Variants in OPCML observed in about 807,000 individuals in gnomAD.
The protein encoded by OPCML is opioid-binding protein/cell adhesion molecule.
OPCML carries 13 observed loss-of-function variants against 37.8 expected under a neutral mutation model. That is an observed-to-expected ratio of 0.34 (90% CI 0.22 to 0.55). The LOEUF is 0.55. OPCML is among the 20% of genes least tolerant of loss of function. The pLI, the probability that OPCML is intolerant of heterozygous loss-of-function variation, is 0.91. For missense variants in OPCML, 341 were observed against 435.6 expected, an observed-to-expected ratio of 0.78 and a Z score of 1.93; for synonymous variants, 176 against 168.8, an observed-to-expected ratio of 1.04 and a Z score of -0.33.
Position 132,889,304 on chromosome 11 carries a change from T to C in OPCML, c.146+53622A>G, listed in dbSNP as rs190850197. Among the ~76,000 whole-genome samples the C allele has an allele frequency of 3.3e-5, 5 of 152,352 alleles. No homozygotes were observed. In the East Asian group the frequency reaches 9.7e-4, roughly 29 times the overall value. ...CCTCCTACCAAGCACGGGCAAGTGC[T>C]ACAAAGTTGCTTTCTGTTCAAATGT... is the stretch of plus-strand genomic sequence containing the variant. On this transcript the variant is annotated intron_variant, in intron 2 of 7. Transcript: ENST00000524381.
In OPCML at chr11:132,874,999, G is replaced by A. The variant is rs561232582; in HGVS notation, c.146+67927C>T. On this transcript the variant is annotated intron_variant, in intron 2 of 7. Coordinates refer to ENST00000524381, the MANE Select transcript of OPCML (RefSeq NM_001012393.5). ...AGTAAATATTTAAAACATAGTCTCA[G>A]ATCCTAACGAAGTTTTAAGATTTTC... is the stretch of plus-strand genomic sequence containing the variant. Among the ~76,000 whole-genome samples, 88 of 152,282 alleles carry A rather than the reference G, an allele frequency of 5.8e-4. No individual in the cohort carries two copies. In the East Asian group the frequency reaches 0.014, roughly 24 times the overall value.
intron 1 of OPCML, among the ~76,000 whole-genome samples, chr11:133,377,883 G>C (rs946027297): frequency 1.3e-5 from 2 of 152,204 alleles, no homozygotes; most frequent in Non-Finnish European, 2.9e-5. Context: ...CCTGTGCTGT[G>C]TCAGGGACCT....
intron 1 of OPCML, among the ~76,000 whole-genome samples, chr11:133,035,182 C>T (rs563855606): frequency 6.6e-4 from 100 of 152,308 alleles, no homozygotes; most frequent in African/African-American, 2.4e-3. Context: ...TGCAGCCAGC[C>T]CGACAGGGGA....
At chr11:133,289,100 C>A (rs1348076501) in intron 1 of OPCML, among the ~76,000 whole-genome samples, 3 of 152,050 alleles carry the variant, frequency 2.0e-5, no homozygotes, top group African/African-American at 7.2e-5. Context: ...CAGAATTATC[C>A]GAGGATTAGA....
At chr11:132,662,413 A>AT (rs1491322743) in intron 2 of OPCML, among the ~76,000 whole-genome samples, 1 of 29,846 alleles carries the variant, frequency 3.4e-5, no homozygotes, top group Non-Finnish European at 6.2e-5. Context: ...TTGAAAATGC[A>AT]AAAAAAAAAA....
At chr11:133,127,079 T>C (rs765899947) in intron 1 of OPCML, among the ~76,000 whole-genome samples, 6 of 152,148 alleles carry the variant, frequency 3.9e-5, no homozygotes, top group Non-Finnish European at 8.8e-5. Context: ...TCTGTAAACC[T>C]AGGAAAGGTA....
At chr11:133,118,117 C>G in intron 1 of OPCML, 1 of 682,354 alleles carries the variant, frequency 1.5e-6, no homozygotes, top group Non-Finnish European at 1.8e-6. Flanking sequence ...CAAACTGTGA[C>G]TCAGGTGAAA....
chr11:132,833,214 A>G (rs1012015686), intron 2 of OPCML, among the ~76,000 whole-genome samples: 39 of 152,198 alleles, frequency 2.6e-4, no homozygotes, highest in African/African-American at 8.2e-4. Context: ...TCACAGCTGT[A>G]CATATATTTC....
chr11:132,893,645 A>C (rs189716781), intron 2 of OPCML, among the ~76,000 whole-genome samples: 1 of 152,374 alleles, frequency 6.6e-6, no homozygotes, highest in African/African-American at 2.4e-5. Context: ...CCTCTTATGA[A>C]GGCTAAAGGT....
chr11:133,046,076 C>T (rs2136955916), intron 1 of OPCML, among the ~76,000 whole-genome samples: 1 of 152,314 alleles, frequency 6.6e-6, no homozygotes, highest in South Asian at 2.1e-4. Flanking sequence ...CTGCCTTTGC[C>T]TCGCTCTGGA....
At chr11:132,691,292 C>T (rs1191761156) in intron 2 of OPCML, among the ~76,000 whole-genome samples, 1 of 152,208 alleles carries the variant, frequency 6.6e-6, no homozygotes, top group East Asian at 1.9e-4. Flanking sequence ...CCTGACCTCC[C>T]ATTGCATGGC....
chr11:132,956,011 A>C (rs894151454), intron 1 of OPCML, among the ~76,000 whole-genome samples: 1 of 152,244 alleles, frequency 6.6e-6, no homozygotes, highest in Non-Finnish European at 1.5e-5. Flanking sequence ...ATTAATAATA[A>C]AAATAATTAT....
chr11:132,716,380 ATCTGTCTATTTATCTATCTATCTATCTG>A lies in OPCML; in HGVS notation c.147-59089_147-59062del, dbSNP rs1487325797. Among the ~76,000 whole-genome samples, 38 of 149,740 alleles carry A rather than the reference ATCTGTCTATTTATCTATCTATCTATCTG, an allele frequency of 2.5e-4. No individual in the cohort carries two copies. In the South Asian group the frequency reaches 6.6e-3, roughly 26 times the overall value. ...CTATCTATCTGTTGTCTGTCTGTCT[ATCTGTCTATTTATCTATCTATCTATCTG>A]TCTGTCTATCTATCTATCTATCTAT... On this transcript the variant is annotated intron_variant, in intron 2 of 7. Transcript: ENST00000524381.
chr11:132,711,761 G>A (rs538711058), intron 2 of OPCML, among the ~76,000 whole-genome samples: 1 of 152,280 alleles, frequency 6.6e-6, no homozygotes, highest in Admixed American at 6.5e-5. Context: ...CATATATGGT[G>A]CATATGTATA....
chr11:133,063,568 G>T (rs1243963144), intron 1 of OPCML, among the ~76,000 whole-genome samples: 10 of 149,272 alleles, frequency 6.7e-5, no homozygotes, highest in South Asian at 4.2e-4. Context: ...AGAGCTGTTG[G>T]TTTTTTTTTT....
chr11:132,945,249 C>T (rs1310384204), intron 1 of OPCML, among the ~76,000 whole-genome samples: 1 of 152,214 alleles, frequency 6.6e-6, no homozygotes, highest in Middle Eastern at 3.2e-3. Context: ...CTAGTGTGTA[C>T]TTCCATAAAC....
intron 2 of OPCML, among the ~76,000 whole-genome samples, chr11:132,931,663 T>C (rs964736119): frequency 1.3e-5 from 2 of 152,108 alleles, no homozygotes; most frequent in African/African-American, 4.8e-5. Context: ...AGAAAATAAG[T>C]GTTGGCAAGA....
intron 1 of OPCML, chr11:133,064,660 G>C (rs892168657): frequency 6.6e-6 from 1 of 152,286 alleles, no homozygotes; most frequent in Non-Finnish European, 1.5e-5. Flanking sequence ...CTTCCGGGCC[G>C]GGCCGGAGGG....
At chr11:132,657,028 A>G in intron 3 of OPCML, 59 bp downstream of exon 3, 1 of 1,584,412 alleles carries the variant, frequency 6.3e-7, no homozygotes, top group Non-Finnish European at 8.6e-7. Flanking sequence ...AAACACCAAC[A>G]CTGTTCTTCC....
Sources: allele counts gnomAD v4.1 joint callset (sites outside exome capture counted in the v4.1 genomes callset), GRCh38; gene constraint gnomAD v4.1.1; transcripts MANE v1.5; gene names NCBI Gene and HGNC (gene_info 2026-07-23, HGNC 2026-07-21).